KCNH7: variants seen among roughly 807,000 people sequenced by gnomAD.
KCNH7 encodes the protein potassium voltage-gated channel subfamily H member 7.
In KCNH7, 49 loss-of-function variants were observed where a neutral mutation model predicts 120.8. The observed-to-expected ratio is 0.41, with a 90% CI of 0.32 to 0.51. The LOEUF (loss-of-function observed/expected upper bound fraction) is 0.51, where lower values mean the gene tolerates loss of function less well. Among genes scored for constraint, KCNH7 ranks in the 20% least tolerant of loss-of-function variants. The pLI is 0.38. For synonymous variants in KCNH7, 547 were observed against 516.1 expected, an observed-to-expected ratio of 1.06 and a Z score of -0.81; for missense variants, 1,097 against 1,446.6, an observed-to-expected ratio of 0.76 and a Z score of 3.92.
chr2:162,722,119 A>G (rs1295028216), intron 2 of KCNH7, among the ~76,000 whole-genome samples: 4 of 152,092 alleles, frequency 2.6e-5, no homozygotes, highest in Non-Finnish European at 5.9e-5. Context: ...AGCACACGGG[A>G]TGAAAGAAAC....
intron 2 of KCNH7, among the ~76,000 whole-genome samples, chr2:162,655,220 T>C (rs953622214): frequency 2.6e-5 from 4 of 152,178 alleles, no homozygotes; most frequent in Non-Finnish European, 5.9e-5. Flanking sequence ...TTTCAAAACA[T>C]CATGTACATA....
intron 2 of KCNH7, among the ~76,000 whole-genome samples, chr2:162,800,651 C>A (rs959905018): frequency 6.6e-6 from 1 of 151,866 alleles, no homozygotes; most frequent in Non-Finnish European, 1.5e-5. Flanking sequence ...ATTATTCAGG[C>A]ATGTGTACAA....
chr2:162,764,506 A>G (rs1270682528), intron 2 of KCNH7, among the ~76,000 whole-genome samples: 1 of 152,190 alleles, frequency 6.6e-6, no homozygotes, highest in Non-Finnish European at 1.5e-5. Flanking sequence ...ATTAGAAACT[A>G]CTAGAAATGC....
At chr2:162,544,065 A>G (rs1404427178) in intron 2 of KCNH7, among the ~76,000 whole-genome samples, 1 of 152,138 alleles carries the variant, frequency 6.6e-6, no homozygotes, top group Non-Finnish European at 1.5e-5. Flanking sequence ...GTGAGGACAT[A>G]GTAGGGGGAA....
chr2:162,714,897 G>T (rs770131048), intron 2 of KCNH7, among the ~76,000 whole-genome samples: 1 of 152,168 alleles, frequency 6.6e-6, no homozygotes, highest in Non-Finnish European at 1.5e-5. Flanking sequence ...TGGGCCAGGT[G>T]TAGCCCAGGG....
chr2:162,469,246 A>C lies in KCNH7; in HGVS notation c.1129-22803T>G, dbSNP rs1383355895. Among the ~76,000 whole-genome samples the C allele has an allele frequency of 2.6e-5, 4 of 152,350 alleles. No individual in the cohort carries two copies. In the South Asian group the frequency reaches 8.3e-4, roughly 32 times the overall value. ...ATAAAAAGTAAAGCCTTGTCAATTC[A>C]TATAAACCAACACATTTGAGAGCAA... is the stretch of plus-strand genomic sequence containing the variant. On this transcript the variant is annotated intron_variant, in intron 6 of 15. Coordinates refer to ENST00000332142, the MANE Select transcript of KCNH7 (RefSeq NM_033272.4).
intron 2 of KCNH7, among the ~76,000 whole-genome samples, chr2:162,654,377 C>T (rs540655882): frequency 4.0e-5 from 6 of 151,058 alleles, no homozygotes; most frequent in East Asian, 3.9e-4. Flanking sequence ...ATAGAAATGG[C>T]CAACAGGTAT....
chr2:162,735,011 C>T (rs71424753), intron 2 of KCNH7, among the ~76,000 whole-genome samples: 1,996 of 152,272 alleles, frequency 0.013, 23 homozygotes, highest in South Asian at 0.036. Context: ...CCAGCAGAAC[C>T]TGTCTCTTCC....
intron 8 of KCNH7, among the ~76,000 whole-genome samples, chr2:162,427,994 T>C (rs1687923761): frequency 6.6e-6 from 1 of 151,858 alleles, no homozygotes; most frequent in Admixed American, 6.6e-5. Flanking sequence ...GTTTTCTATT[T>C]TTATTGACTT....
At chr2:162,760,415 A>G (rs1688930602) in intron 2 of KCNH7, among the ~76,000 whole-genome samples, 1 of 152,162 alleles carries the variant, frequency 6.6e-6, no homozygotes, top group Non-Finnish European at 1.5e-5. Context: ...TGTGCAAGAC[A>G]TGTTATTTAT....
Position 162,604,931 on chromosome 2 carries a change from C to T in KCNH7, c.308-67851G>A, listed in dbSNP as rs190745806. Among the ~76,000 whole-genome samples the T allele has an allele frequency of 2.1e-3, 315 of 152,116 alleles. 1 individual carries two copies. The highest frequency in any genetic ancestry group is 7.3e-3 in the African/African-American group (304 of 41,516). Reference sequence around the variant, plus strand: ...ATTTTTTAGTATACAAAAGTGAGTACTGTTAAATAGCTAAAAATATTGTAT... The same window carrying T: ...ATTTTTTAGTATACAAAAGTGAGTATTGTTAAATAGCTAAAAATATTGTAT... On this transcript the variant is annotated intron_variant, in intron 2 of 15. Transcript: ENST00000332142.
chr2:162,449,751 A>G (rs1031920333), intron 6 of KCNH7, among the ~76,000 whole-genome samples: 1 of 152,062 alleles, frequency 6.6e-6, no homozygotes, highest in Admixed American at 6.6e-5. Context: ...CCTTGCCCAC[A>G]TCTTGATTTC....
chr2:162,415,302 C>A (rs1349431217), intron 9 of KCNH7, among the ~76,000 whole-genome samples: 2 of 152,056 alleles, frequency 1.3e-5, no homozygotes, highest in African/African-American at 4.8e-5. Context: ...GCTTCAGTTT[C>A]TTTCTTTAGA....
In KCNH7 at chr2:162,654,264, C is replaced by T. The variant is rs551949078; in HGVS notation, c.308-117184G>A. Among the ~76,000 whole-genome samples the T allele has an allele frequency of 5.4e-4, 82 of 150,618 alleles. 1 individual carries two copies. In the South Asian group the frequency reaches 0.01, roughly 19 times the overall value. On this transcript the variant is annotated intron_variant, in intron 2 of 15. Transcript: ENST00000332142. ...ATACATTTGATATGTGTTTAATATT[C>T]AAAATATATAAGGAGCTCAAACAAC...
Position 162,794,029 on chromosome 2 carries a change from T to C in KCNH7, c.307+42508A>G, listed in dbSNP as rs115289160. Among the ~76,000 whole-genome samples the C allele has an allele frequency of 1.2e-3, 185 of 152,044 alleles. 2 individuals are homozygous for C. The highest frequency in any genetic ancestry group is 4.2e-3 in the African/African-American group (176 of 41,512). ...CACAATGTATACATGTATCAATACATCACATCTCACAACTTAAATATATAC... is the reference window on the plus strand; with the variant it reads ...CACAATGTATACATGTATCAATACACCACATCTCACAACTTAAATATATAC... On this transcript the variant is annotated intron_variant, in intron 2 of 15. Transcript: ENST00000332142.
chr2:162,528,093 T>C (rs1691777120), intron 3 of KCNH7: 1 of 151,954 alleles, frequency 6.6e-6, no homozygotes, highest in South Asian at 2.1e-4. Context: ...GCAATCTGAG[T>C]AATGCCCATT....
At chr2:162,474,785 C>T (rs1689678576) in intron 6 of KCNH7, among the ~76,000 whole-genome samples, 1 of 151,172 alleles carries the variant, frequency 6.6e-6, no homozygotes, top group Non-Finnish European at 1.5e-5. Flanking sequence ...AGCCAACAGC[C>T]TAGTAAGCAA....
intron 2 of KCNH7, among the ~76,000 whole-genome samples, chr2:162,549,652 A>T (rs1425584221): frequency 1.3e-5 from 2 of 152,212 alleles, no homozygotes; most frequent in Non-Finnish European, 2.9e-5. Flanking sequence ...CACTGGTAAG[A>T]TTATAACAGA....
intron 7 of KCNH7, among the ~76,000 whole-genome samples, chr2:162,444,732 G>A (rs560562895): frequency 3.9e-5 from 6 of 152,128 alleles, no homozygotes; most frequent in Non-Finnish European, 7.4e-5. Flanking sequence ...CTTATTTGGT[G>A]CAATGATGTG....
Sources: allele counts gnomAD v4.1 joint callset (sites outside exome capture counted in the v4.1 genomes callset), GRCh38; gene constraint gnomAD v4.1.1; transcripts MANE v1.5; gene names NCBI Gene and HGNC (gene_info 2026-07-23, HGNC 2026-07-21).